SLC44A3: variants seen among roughly 807,000 people sequenced by gnomAD.
SLC44A3 encodes solute carrier family 44 member 3.
In SLC44A3, 74 loss-of-function variants were observed where a neutral mutation model predicts 75.4. That is an observed-to-expected ratio of 0.98 (90% CI 0.81 to 1.19). SLC44A3 has a LOEUF of 1.19. Among genes scored for constraint, SLC44A3 ranks in the 50% most tolerant of loss-of-function variants. The probability of loss-of-function intolerance (pLI) is 0.00; values close to 1 mark genes in which losing one functional copy is unlikely to be tolerated. For missense variants in SLC44A3, 700 were observed against 778.6 expected (o/e 0.90, Z 1.20); for synonymous variants, 310 against 296.9 (o/e 1.04, Z -0.45).
At chr1:94,830,454 G>A (rs1258220738) in intron 5 of SLC44A3, among the ~76,000 whole-genome samples, 3 of 152,054 alleles carry the variant, frequency 2.0e-5, no homozygotes, top group Admixed American at 6.5e-5. Context: ...CTCGTGATCC[G>A]CCTGCCTCGG....
chr1:94,859,302 T>C (rs1262757627), intron 10 of SLC44A3, among the ~76,000 whole-genome samples: 2 of 152,098 alleles, frequency 1.3e-5, no homozygotes, highest in Non-Finnish European at 2.9e-5. Context: ...CTTCCCTTTC[T>C]CCAGCCACTC....
chr1:94,837,804 C>T lies in SLC44A3; in HGVS notation c.603C>T (p.Leu201=). ...ASVLINDVDT[L]HRILSGIMSG... is the part of the protein sequence containing the mutation. ...TTTTGATAAATGATGTTGACACCCT[C>T]CACCGAATTCTAAGTGGAATCATGT... The change falls in exon 6 of 15, where the codon CTC becomes CTT. Residue 201 remains leucine (L), a synonymous_variant. Coordinates refer to ENST00000271227, the MANE Select transcript of SLC44A3 (RefSeq NM_001114106.3). The T allele has an allele frequency of 6.2e-7, 1 of 1,612,982 alleles. No individual in the cohort carries two copies. The highest frequency in any genetic ancestry group is 8.5e-7 in the Non-Finnish European group (1 of 1,179,666).
At chr1:94,881,703 CA>C (rs1178725128) in intron 12 of SLC44A3, among the ~76,000 whole-genome samples, 173 of 126,024 alleles carry the variant, frequency 1.4e-3, no homozygotes, top group Non-Finnish European at 1.4e-3. Flanking sequence ...GACTCCGTCT[CA>C]AAAAAAAAAA....
intron 9 of SLC44A3, among the ~76,000 whole-genome samples, chr1:94,851,498 G>T (rs1023643801): frequency 6.6e-6 from 1 of 152,158 alleles, no homozygotes; most frequent in African/African-American, 2.4e-5. Context: ...GGAAGAACAC[G>T]TGAGGGCCAG....
intron 9 of SLC44A3, among the ~76,000 whole-genome samples, chr1:94,846,754 C>T (rs1244917920): frequency 6.6e-6 from 1 of 152,266 alleles, no homozygotes; most frequent in Non-Finnish European, 1.5e-5. Flanking sequence ...CTGATACTGT[C>T]ACCAGACTGA....
intron 3 of SLC44A3, among the ~76,000 whole-genome samples, chr1:94,826,753 C>T (rs1571159875): frequency 3.3e-5 from 5 of 152,112 alleles, no homozygotes; most frequent in Admixed American, 3.3e-4. Context: ...TCCTCATCTC[C>T]TGTTGCACCA....
intron 8 of SLC44A3, among the ~76,000 whole-genome samples, chr1:94,844,100 T>G (rs763485421): frequency 5.3e-5 from 8 of 152,172 alleles, no homozygotes; most frequent in Non-Finnish European, 1.2e-4. Flanking sequence ...GAGCCTAATC[T>G]AATGGGAAAT....
chr1:94,845,383 T>C lies in SLC44A3; in HGVS notation c.991T>C (p.Phe331Leu). The C allele has an allele frequency of 1.9e-6, 3 of 1,614,164 alleles. No homozygotes were observed. In the East Asian group the frequency reaches 6.7e-5, roughly 36 times the overall value. Residue 331 changes from phenylalanine (F) to leucine (L), a missense_variant, in exon 9 of 15, where the codon TTC becomes CTC. Transcript: ENST00000271227. ...CATCAGCAGTGCTCCCTTCCTGCTG[T>C]TCCAGCCACTGTGGACATTTGCCAT... ...KAISSAPFLL[F>L]QPLWTFAILI... is the part of the protein sequence containing the mutation.
intron 13 of SLC44A3, 65 bp from the exon 14 acceptor site, chr1:94,892,216 T>C (rs1670294670): frequency 6.9e-7 from 1 of 1,439,218 alleles, no homozygotes; most frequent in African/African-American, 1.4e-5. Context: ...CCATTACTTG[T>C]AACTGACAAA....
intron 6 of SLC44A3, 140 bp downstream of exon 6, chr1:94,838,011 A>C (rs1367432879): frequency 4.8e-5 from 42 of 877,858 alleles, no homozygotes; most frequent in Non-Finnish European, 6.5e-5. Context: ...TCAGTGTTTC[A>C]GATTTAAGTG....
At chr1:94,875,918 TTTTAAC>T (rs1362112196) in intron 12 of SLC44A3, among the ~76,000 whole-genome samples, 1 of 152,212 alleles carries the variant, frequency 6.6e-6, no homozygotes, top group Non-Finnish European at 1.5e-5. Context: ...CTGCCCAGGT[TTTTAAC>T]TTTAAGAAAT....
At chr1:94,820,588 G>A (rs1361663107) in intron 1 of SLC44A3, 110 bp downstream of exon 1, 10 of 1,427,854 alleles carry the variant, frequency 7.0e-6, no homozygotes, top group Non-Finnish European at 9.2e-6. Context: ...CGCGCCTCGG[G>A]GATCCCGCCC....
Position 94,842,015 on chromosome 1 carries a change from T to C in SLC44A3, c.776T>C (p.Leu259Ser). 12 of 1,611,424 alleles carry C rather than the reference T, an allele frequency of 7.4e-6. No individual in the cohort carries two copies. Among genetic ancestry groups the C allele is most frequent in the Non-Finnish European group, 1.0e-5 (12 of 1,179,162 alleles). Residue 259 changes from leucine (L) to serine (S), a missense_variant, in exon 8 of 15, where the codon TTA (leucine) becomes TCA (serine). Physicochemically the swap from Leu to Ser is moderately radical, Grantham distance 145. Coordinates refer to ENST00000271227, the MANE Select transcript of SLC44A3 (RefSeq NM_001114106.3). ...ILGLLFVCGV[L>S]WWLYYDYTND... ...TCTTTTCTAGTTGTCTGCGGTGTTT[T>C]ATGGTGGCTGTATTATGACTATACC...
At position 94,828,490 on chromosome 1, in the gene SLC44A3, C is replaced by T. The variant is rs1557803482; in HGVS notation, c.416-3C>T. The T allele has an allele frequency of 6.2e-7, 1 of 1,612,596 alleles. No individual in the cohort carries two copies. Among genetic ancestry groups the T allele is most frequent in the African/African-American group, 1.3e-5 (1 of 74,988 alleles). On this transcript the variant is annotated splice_region_variant and splice_polypyrimidine_tract_variant and intron_variant, in intron 4 of 14. Transcript: ENST00000271227. ...GTATAATGTCTGTGTGTTCTGCTTC[C>T]AGGGTCCTTCCTGTGTGTTTATAGT...
chr1:94,858,281 A>G (rs1185379776), intron 10 of SLC44A3, among the ~76,000 whole-genome samples: 1 of 152,208 alleles, frequency 6.6e-6, no homozygotes, highest in African/African-American at 2.4e-5. Flanking sequence ...GGGGAAAAAA[A>G]TTAATCCTAA....
chr1:94,872,081 T>C (rs1667818085), intron 12 of SLC44A3, among the ~76,000 whole-genome samples: 1 of 152,198 alleles, frequency 6.6e-6, no homozygotes, highest in Non-Finnish European at 1.5e-5. Context: ...TTACTTCTGT[T>C]GAGTATTCCA....
chr1:94,842,207 C>G, intron 8 of SLC44A3, 83 bp downstream of exon 8: 1 of 1,473,708 alleles, frequency 6.8e-7, no homozygotes, highest in South Asian at 1.5e-5. Context: ...CCAAAAACAA[C>G]TATAATTTGT....
Position 94,837,776 on chromosome 1 carries a change from C to T in SLC44A3, c.575C>T (p.Ser192Phe). ...CCTGAGTGCTACTCCCTATTTGCAT[C>T]TGTTTTGATAAATGATGTTGACACC... ...QTPECYSLFA[S>F]VLINDVDTLH... The change falls in exon 6 of 15, where the codon TCT becomes TTT. Residue 192 changes from serine to phenylalanine, a missense_variant. By Grantham distance (155) the Ser-to-Phe change is radical. Coordinates refer to ENST00000271227, the MANE Select transcript of SLC44A3 (RefSeq NM_001114106.3). The T allele has an allele frequency of 6.2e-7, 1 of 1,612,072 alleles. No individual in the cohort carries two copies.
Position 94,867,348 on chromosome 1 carries a change from C to CAGGT in SLC44A3, c.1415_1418dup (p.Tyr473Ter). ...TGATCCAGCAGCATGGTGCATTGTC[C>CAGGT]AGGTACCTGTTCCGATGCTGCTACT... On this transcript the variant is annotated frameshift_variant, in exon 12 of 15. Coordinates refer to ENST00000271227, the MANE Select transcript of SLC44A3 (RefSeq NM_001114106.3). LOFTEE classifies it high-confidence loss of function. 1 of 1,598,322 alleles carries CAGGT rather than the reference C, an allele frequency of 6.3e-7. No individual in the cohort carries two copies. The highest frequency in any genetic ancestry group is 8.5e-7 in the Non-Finnish European group (1 of 1,170,666).
Sources: allele counts gnomAD v4.1 joint callset (sites outside exome capture counted in the v4.1 genomes callset), GRCh38; gene constraint gnomAD v4.1.1; transcripts MANE v1.5; gene names NCBI Gene and HGNC (gene_info 2026-07-23, HGNC 2026-07-21).